Variants in SDK1 observed in about 807,000 individuals in gnomAD.
SDK1 encodes protein sidekick-1.
A neutral mutation model predicts 245.5 loss-of-function variants in SDK1; 157 were observed. The observed-to-expected ratio is 0.64, with a 90% CI of 0.56 to 0.73. The LOEUF (loss-of-function observed/expected upper bound fraction) is 0.73, where lower values mean the gene tolerates loss of function less well. Among genes scored for constraint, SDK1 ranks in the 30% least tolerant of loss-of-function variants. The probability of loss-of-function intolerance (pLI) is 0.00; values close to 1 mark genes in which losing one functional copy is unlikely to be tolerated. For missense variants in SDK1, 3,583 were observed against 3,002.3 expected, an observed-to-expected ratio of 1.19 and a Z score of -4.52; for synonymous variants, 1,647 against 1,278.5, an observed-to-expected ratio of 1.29 and a Z score of -6.15.
chr7:3,401,689 A>T (rs910422054), intron 1 of SDK1, among the ~76,000 whole-genome samples: 8 of 146,228 alleles, frequency 5.5e-5, no homozygotes, highest in Non-Finnish European at 7.6e-5. Flanking sequence ...TCTGAGCCTT[A>T]TTTTTTTTTT....
At chr7:4,255,037 G>C (rs1787542635) in intron 44 of SDK1, among the ~76,000 whole-genome samples, 1 of 152,200 alleles carries the variant, frequency 6.6e-6, no homozygotes, top group South Asian at 2.1e-4. Context: ...CTCACTTTCT[G>C]ATCCAGTTGA....
Position 3,974,522 on chromosome 7 carries a change from C to T in SDK1, c.1971C>T (p.Ser657=), listed in dbSNP as rs1426424445. ...TTGTTTCTGAAGGAGGGAATGACTC[C>T]AGGATGGCCCGGCTGGAAGTGATGT... The part of the protein sequence containing the change: ...CEIVSEGGND[S]RMARLEVIEL... Residue 657 remains serine (S), a synonymous_variant, in exon 13 of 45, where the codon TCC becomes TCT. Transcript: ENST00000404826. The T allele has an allele frequency of 3.1e-6, 5 of 1,614,008 alleles. No homozygotes were observed. The highest frequency in any genetic ancestry group is 4.2e-6 in the Non-Finnish European group (5 of 1,180,024).
intron 1 of SDK1, among the ~76,000 whole-genome samples, chr7:3,313,895 T>C (rs1583669682): frequency 6.6e-6 from 1 of 152,352 alleles, no homozygotes; most frequent in Admixed American, 6.5e-5. Flanking sequence ...TCAAAACATG[T>C]CGTACACAAT....
At chr7:3,881,850 G>A (rs1781216079) in intron 5 of SDK1, among the ~76,000 whole-genome samples, 1 of 152,164 alleles carries the variant, frequency 6.6e-6, no homozygotes, top group African/African-American at 2.4e-5. Flanking sequence ...TCATGGTACA[G>A]CTTCCCTTCA....
chr7:3,966,973 A>C (rs561818455), intron 9 of SDK1, among the ~76,000 whole-genome samples: 2 of 152,350 alleles, frequency 1.3e-5, no homozygotes, highest in African/African-American at 4.8e-5. Flanking sequence ...GGCATGGGCT[A>C]CCTTTCATTT....
chr7:4,081,557 GC>G (rs779500464), intron 22 of SDK1, among the ~76,000 whole-genome samples: 11 of 151,654 alleles, frequency 7.3e-5, no homozygotes, highest in Non-Finnish European at 1.5e-4. Context: ...AGTAGCTGGG[GC>G]TACAGGCACC....
chr7:3,830,036 A>C (rs1233936914), intron 5 of SDK1, among the ~76,000 whole-genome samples: 1 of 152,210 alleles, frequency 6.6e-6, no homozygotes, highest in Admixed American at 6.5e-5. Flanking sequence ...TAGACAGCAC[A>C]TAGGACATAA....
At chr7:3,442,862 T>A (rs534782067) in intron 1 of SDK1, among the ~76,000 whole-genome samples, 1 of 152,372 alleles carries the variant, frequency 6.6e-6, no homozygotes, top group African/African-American at 2.4e-5. Flanking sequence ...TTCTACTCAC[T>A]GTGTTCTGTC....
At chr7:4,107,418 A>G (rs1026469190) in intron 22 of SDK1, among the ~76,000 whole-genome samples, 5 of 151,922 alleles carry the variant, frequency 3.3e-5, no homozygotes, top group Admixed American at 2.6e-4. Flanking sequence ...CTTAGTGCTT[A>G]TACGTGATTG....
At chr7:4,085,711 C>T (rs754738628) in intron 22 of SDK1, among the ~76,000 whole-genome samples, 10 of 152,194 alleles carry the variant, frequency 6.6e-5, no homozygotes, top group Admixed American at 3.3e-4. Context: ...CTCGCCACCA[C>T]GCCTGGCTAA....
At chr7:3,366,381 G>T (rs1164939018) in intron 1 of SDK1, among the ~76,000 whole-genome samples, 1 of 150,818 alleles carries the variant, frequency 6.6e-6, no homozygotes, top group Non-Finnish European at 1.5e-5. Context: ...AATATATTTT[G>T]GAGATTACTC....
intron 5 of SDK1, among the ~76,000 whole-genome samples, chr7:3,878,949 A>G (rs1781140211): frequency 6.6e-6 from 1 of 152,302 alleles, no homozygotes; most frequent in African/African-American, 2.4e-5. Context: ...AGATAAAAAA[A>G]AATTTTAATT....
chr7:3,347,112 T>C (rs1368761971), intron 1 of SDK1, among the ~76,000 whole-genome samples: 1 of 151,838 alleles, frequency 6.6e-6, no homozygotes, highest in Non-Finnish European at 1.5e-5. Flanking sequence ...GCCCATGCCA[T>C]TCCCTCTGCT....
chr7:3,304,926 C>A (rs561642065), intron 1 of SDK1, among the ~76,000 whole-genome samples: 5 of 152,216 alleles, frequency 3.3e-5, no homozygotes, highest in South Asian at 2.1e-4. Context: ...CTGAGACACC[C>A]CCTCCTCCCT....
chr7:4,094,159 C>T (rs1281401587), intron 22 of SDK1, among the ~76,000 whole-genome samples: 5 of 152,070 alleles, frequency 3.3e-5, no homozygotes, highest in Non-Finnish European at 5.9e-5. Context: ...TAGGTTCAAG[C>T]GATTCTCCTG....
intron 40 of SDK1, among the ~76,000 whole-genome samples, chr7:4,230,865 G>A (rs1785716797): frequency 6.6e-6 from 1 of 152,134 alleles, no homozygotes; most frequent in Admixed American, 6.5e-5. Context: ...GGGGGCAAAA[G>A]GACTCTTGAT....
At chr7:3,609,589 A>G (rs1316567117) in intron 1 of SDK1, among the ~76,000 whole-genome samples, 1 of 151,618 alleles carries the variant, frequency 6.6e-6, no homozygotes, top group East Asian at 1.9e-4. Flanking sequence ...TTCAGTAGAG[A>G]TGGGGTTTCA....
In SDK1 at chr7:3,572,695, G is replaced by A. The variant is rs899549299; in HGVS notation, c.299-46385G>A. On this transcript the variant is annotated intron_variant, in intron 1 of 44. Transcript: ENST00000404826. Reference sequence around the variant, plus strand: ...GTCAAGTGCCTGTAATGTAACAGGCGTGATACTAGGTATAGAGGATTTAAC... The same window carrying A: ...GTCAAGTGCCTGTAATGTAACAGGCATGATACTAGGTATAGAGGATTTAAC... Among the ~76,000 whole-genome samples the A allele has an allele frequency of 1.1e-4, 17 of 152,018 alleles. 1 individual carries two copies. The highest frequency in any genetic ancestry group is 3.1e-4 in the African/African-American group (13 of 41,420).
At chr7:3,918,855 T>C (rs1387880054) in intron 5 of SDK1, among the ~76,000 whole-genome samples, 1 of 152,066 alleles carries the variant, frequency 6.6e-6, no homozygotes, top group African/African-American at 2.4e-5. Flanking sequence ...CCCACATACA[T>C]GGCTTCTCAC....
Sources: gnomAD v4.1 joint callset for allele counts (sites outside exome capture counted in the v4.1 genomes callset) on GRCh38, gnomAD v4.1.1 for gene constraint, MANE v1.5 for transcripts, NCBI Gene and HGNC (gene_info 2026-07-23, HGNC 2026-07-21) for gene names.